ADGRL4: variants seen among roughly 807,000 people sequenced by gnomAD.
The protein encoded by ADGRL4 is adhesion G protein-coupled receptor L4.
Under a neutral mutation model 74.8 loss-of-function variants are expected in ADGRL4, and 90 were observed. That is an observed-to-expected ratio of 1.20 (90% CI 1.02 to 1.43). ADGRL4 has a LOEUF of 1.43. Ranked by LOEUF, ADGRL4 falls within the 40% of genes most tolerant of loss-of-function variation. The pLI is 0.00. For missense variants in ADGRL4, 881 were observed against 814.3 expected (o/e 1.08, Z -1.00); for synonymous variants, 311 against 279.2 (o/e 1.11, Z -1.14).
Position 78,989,476 on chromosome 1 carries a change from G to T in ADGRL4, c.172+15594C>A, listed in dbSNP as rs201344638. ...TAATAATTAAATAAATTTTTATTTT[G>T]TTTTTTTTCCTTTGGACACAGTGAG... On this transcript the variant is annotated intron_variant, in intron 2 of 14. Coordinates refer to ENST00000370742, the MANE Select transcript of ADGRL4 (RefSeq NM_022159.4). 4.1e-3 allele frequency among the ~76,000 whole-genome samples: 515 copies of T among 126,666 alleles called. 4 individuals are homozygous for T. The highest frequency in any genetic ancestry group is 0.015 in the African/African-American group (496 of 33,250). 83.1% of individuals were successfully genotyped at this position (126,666 alleles called of 152,430 possible).
intron 3 of ADGRL4, among the ~76,000 whole-genome samples, chr1:78,945,164 C>CAAAAAAAA (rs57419194): frequency 4.3e-5 from 5 of 116,544 alleles, no homozygotes; most frequent in Non-Finnish European, 7.1e-5. Context: ...GACTCTGTCT[C>CAAAAAAAA]AAAAAAAAAA....
intron 2 of ADGRL4, among the ~76,000 whole-genome samples, chr1:78,959,260 C>T (rs905271603): frequency 2.1e-4 from 32 of 152,070 alleles, no homozygotes; most frequent in African/African-American, 2.4e-5. Flanking sequence ...GCTCATTGCT[C>T]TACATAAATA....
At position 78,958,934 on chromosome 1, in the gene ADGRL4, G is replaced by T. The variant is rs745632595; in HGVS notation, c.173-12508C>A. On this transcript the variant is annotated intron_variant, in intron 2 of 14. Coordinates refer to ENST00000370742, the MANE Select transcript of ADGRL4 (RefSeq NM_022159.4). ...TCTTTGGCAACCACCACCCTGATCC[G>T]TCAGCAGCCAACATCAAAGCAAGAC... 2.6e-5 allele frequency among the ~76,000 whole-genome samples: 4 copies of T among 152,182 alleles called. No individual in the cohort carries two copies. In the South Asian group the frequency reaches 8.3e-4, roughly 32 times the overall value.
intron 2 of ADGRL4, among the ~76,000 whole-genome samples, chr1:78,957,682 T>A (rs1649863834): frequency 6.6e-6 from 1 of 152,138 alleles, no homozygotes; most frequent in Admixed American, 6.6e-5. Flanking sequence ...CTCCATAATA[T>A]AAAAGTGCAA....
Position 79,006,690 on chromosome 1 carries a change from G to A in ADGRL4, c.-36C>T. The A allele has an allele frequency of 6.8e-7, 1 of 1,463,652 alleles. No individual in the cohort carries two copies. The highest frequency in any genetic ancestry group is 9.0e-7 in the Non-Finnish European group (1 of 1,109,550). 90.7% of individuals were successfully genotyped at this position (1,463,652 alleles called of 1,614,324 possible). A position where few individuals can be genotyped will look rare whatever the true frequency, so the allele number is the denominator to read the frequency against. On this transcript the variant is annotated 5_prime_UTR_variant, in exon 1 of 15. Transcript: ENST00000370742. ...CGCAGTGGTGGCGGTGGCGGAGAGCGCGGCGGAGTGAGTGCGGCTGTGGAC... is the reference window on the plus strand; with the variant it reads ...CGCAGTGGTGGCGGTGGCGGAGAGCACGGCGGAGTGAGTGCGGCTGTGGAC...
intron 4 of ADGRL4, among the ~76,000 whole-genome samples, chr1:78,938,491 A>T (rs1649406911): frequency 6.6e-6 from 1 of 151,214 alleles, no homozygotes; most frequent in Non-Finnish European, 1.5e-5. Flanking sequence ...CCTAGACTTG[A>T]CTTTAGAAAA....
chr1:78,930,545 C>T (rs1016977032), intron 7 of ADGRL4, among the ~76,000 whole-genome samples: 3 of 147,504 alleles, frequency 2.0e-5, no homozygotes, highest in Non-Finnish European at 3.0e-5. Flanking sequence ...TACATCTCCC[C>T]GGTTCAAGCA....
Position 78,920,333 on chromosome 1 carries a change from A to T in ADGRL4, c.1311T>A (p.Ile437=). Residue 437 remains isoleucine, a synonymous_variant, in exon 10 of 15, where the codon ATT becomes ATA. Transcript: ENST00000370742. The stretch of plus-strand genomic sequence containing the variant: ...TGCATATGGCAAGACAAATCAGTGA[A>T]ATAATTATTCCTAGTTGAGTGATCC... The part of the protein sequence containing the change: ...LTRITQLGII[I]SLICLAICIF... 6.2e-7 allele frequency: 1 copy of T among 1,608,534 alleles called. No individual in the cohort carries two copies. The highest frequency in any genetic ancestry group is 1.1e-5 in the South Asian group (1 of 90,938).
intron 2 of ADGRL4, among the ~76,000 whole-genome samples, chr1:78,958,419 G>C (rs190600581): frequency 2.0e-5 from 3 of 152,264 alleles, no homozygotes; most frequent in Admixed American, 6.5e-5. Flanking sequence ...AATCATGGGA[G>C]GAGGTGAAGA....
At chr1:78,955,660 C>T (rs918417832) in intron 2 of ADGRL4, among the ~76,000 whole-genome samples, 2 of 151,820 alleles carry the variant, frequency 1.3e-5, no homozygotes, top group South Asian at 2.1e-4. Flanking sequence ...GTTTTTTCAT[C>T]ATTATTTTTG....
At chr1:78,997,654 G>A (rs1386519965) in intron 2 of ADGRL4, among the ~76,000 whole-genome samples, 1 of 152,072 alleles carries the variant, frequency 6.6e-6, no homozygotes, top group Non-Finnish European at 1.5e-5. Context: ...CAACCTAAAA[G>A]TATGGCTTCT....
At chr1:78,928,299 C>T (rs12036315) in intron 7 of ADGRL4, among the ~76,000 whole-genome samples, 13,760 of 151,438 alleles carry the variant, frequency 0.091, 1,027 homozygotes, top group East Asian at 0.33. Context: ...TATCTTCTCA[C>T]CTCATTTACA....
intron 2 of ADGRL4, among the ~76,000 whole-genome samples, chr1:78,988,500 T>C (rs1393776499): frequency 6.6e-6 from 1 of 151,906 alleles, no homozygotes; most frequent in Non-Finnish European, 1.5e-5. Flanking sequence ...AATTAAACTG[T>C]AACTCAGAAA....
intron 12 of ADGRL4, among the ~76,000 whole-genome samples, chr1:78,900,188 C>T (rs879866948): frequency 6.6e-6 from 1 of 152,110 alleles, no homozygotes; most frequent in Admixed American, 6.6e-5. Context: ...CCCCGTCTCA[C>T]AGCCAGCAAG....
At chr1:78,975,193 C>A (rs17102544) in intron 2 of ADGRL4, among the ~76,000 whole-genome samples, 3,848 of 152,102 alleles carry the variant, frequency 0.025, 74 homozygotes, top group South Asian at 0.053. Flanking sequence ...TCACTCTTGA[C>A]CACCATTTGT....
intron 8 of ADGRL4, among the ~76,000 whole-genome samples, chr1:78,923,059 G>A (rs1649034909): frequency 6.6e-6 from 1 of 151,930 alleles, no homozygotes; most frequent in African/African-American, 2.4e-5. Context: ...AAAGATAATT[G>A]AGTTAAAATT....
intron 2 of ADGRL4, among the ~76,000 whole-genome samples, chr1:78,991,478 A>C (rs1196691397): frequency 6.6e-6 from 1 of 152,010 alleles, no homozygotes. Context: ...AGGTATGGAG[A>C]ATGCTGACAA....
In ADGRL4 at chr1:78,890,604, G is replaced by A. The variant is rs1471307271; in HGVS notation, c.*550C>T. ...AACAATTCACAAAATGGTAAAATGT[G>A]TTTCTTCAATTCTTTATTTTATGTC... On this transcript the variant is annotated 3_prime_UTR_variant, in exon 15 of 15. Coordinates refer to ENST00000370742, the MANE Select transcript of ADGRL4 (RefSeq NM_022159.4). 6.6e-6 allele frequency: 1 copy of A among 151,512 alleles called. No individual in the cohort carries two copies. The highest frequency in any genetic ancestry group is 2.1e-4 in the South Asian group (1 of 4,796). 9.4% of individuals were successfully genotyped at this position (151,512 alleles called of 1,614,324 possible).
intron 2 of ADGRL4, among the ~76,000 whole-genome samples, chr1:78,980,729 C>T (rs1650380582): frequency 6.6e-6 from 1 of 151,866 alleles, no homozygotes; most frequent in Admixed American, 6.6e-5. Context: ...CCAGAGAGGT[C>T]ACGAGGTTCA....
Sources: allele counts gnomAD v4.1 joint callset (sites outside exome capture counted in the v4.1 genomes callset), GRCh38; gene constraint gnomAD v4.1.1; transcripts MANE v1.5; gene names NCBI Gene and HGNC (gene_info 2026-07-23, HGNC 2026-07-21).